TMEM114: variants seen among roughly 807,000 people sequenced by gnomAD.
The protein encoded by TMEM114 is claudin-26.
A neutral mutation model predicts 6.2 loss-of-function variants in TMEM114; 6 were observed. That is an observed-to-expected ratio of 0.97 (90% CI 0.53 to 1.91). The LOEUF (loss-of-function observed/expected upper bound fraction) is 1.91, where lower values mean the gene tolerates loss of function less well. Among genes scored for constraint, TMEM114 ranks in the 40% most tolerant of loss-of-function variants. TMEM114 has a pLI of 0.01. For missense variants in TMEM114, 218 were observed against 158.3 expected, an observed-to-expected ratio of 1.38 and a Z score of -2.02; for synonymous variants, 104 against 73.0, an observed-to-expected ratio of 1.42 and a Z score of -2.16.
chr16:8,553,806 C>G (rs1456041360), intron 2 of TMEM114, among the ~76,000 whole-genome samples: 1 of 152,004 alleles, frequency 6.6e-6, no homozygotes, highest in Admixed American at 6.5e-5. Context: ...AGTTCATTAT[C>G]TTCCCACCTC....
intron 2 of TMEM114, among the ~76,000 whole-genome samples, chr16:8,584,508 A>C (rs1902253061): frequency 6.6e-6 from 1 of 152,222 alleles, no homozygotes; most frequent in Non-Finnish European, 1.5e-5. Context: ...TCTGTGGCTG[A>C]AAGAGTGGAG....
At chr16:8,553,526 C>A (rs932852365) in intron 2 of TMEM114, among the ~76,000 whole-genome samples, 1 of 152,116 alleles carries the variant, frequency 6.6e-6, no homozygotes, top group South Asian at 2.1e-4. Flanking sequence ...CGCTGTGTCA[C>A]CCAGGCTGGA....
intron 2 of TMEM114, among the ~76,000 whole-genome samples, chr16:8,545,375 G>A (rs1432508010): frequency 6.6e-6 from 1 of 151,852 alleles, no homozygotes; most frequent in Non-Finnish European, 1.5e-5. Flanking sequence ...GGTTGAGGTT[G>A]CAGTGAGCTG....
chr16:8,540,968 A>G (rs1442349550), intron 2 of TMEM114, among the ~76,000 whole-genome samples: 1 of 152,206 alleles, frequency 6.6e-6, no homozygotes, highest in African/African-American at 2.4e-5. Context: ...TGGCAAAGAC[A>G]TACGCATGGA....
chr16:8,530,792 G>C, the TMEM114 span, among the ~76,000 whole-genome samples: 1 of 152,156 alleles, frequency 6.6e-6, no homozygotes. Context: ...GGGAGGCCGA[G>C]TCAGATGAAT....
At chr16:8,581,060 T>G (rs910342117) in intron 2 of TMEM114, among the ~76,000 whole-genome samples, 1 of 152,182 alleles carries the variant, frequency 6.6e-6, no homozygotes, top group Non-Finnish European at 1.5e-5. Flanking sequence ...CAATCATAAT[T>G]GGCAGTATAT....
At chr16:8,558,309 T>C (rs1399953631) in intron 2 of TMEM114, among the ~76,000 whole-genome samples, 2 of 152,188 alleles carry the variant, frequency 1.3e-5, no homozygotes, top group East Asian at 3.8e-4. Flanking sequence ...ATGCACCCTC[T>C]GAGGACTCCA....
downstream of TMEM114, among the ~76,000 whole-genome samples, chr16:8,565,191 A>G (rs1392209773): frequency 6.6e-6 from 1 of 152,126 alleles, no homozygotes; most frequent in African/African-American, 2.4e-5. Flanking sequence ...GAATTGATTA[A>G]TGGGAAAATG....
At chr16:8,538,199 G>A (rs1168192021) in intron 2 of TMEM114, among the ~76,000 whole-genome samples, 1 of 150,146 alleles carries the variant, frequency 6.7e-6, no homozygotes, top group Admixed American at 6.7e-5. Flanking sequence ...CAGCTACTCA[G>A]GAGGCTGAAG....
intron 2 of TMEM114, among the ~76,000 whole-genome samples, chr16:8,547,847 C>G (rs1376365308): frequency 6.6e-6 from 1 of 152,122 alleles, no homozygotes; most frequent in Non-Finnish European, 1.5e-5. Flanking sequence ...TACCAACAGG[C>G]AAGTTCACAG....
the TMEM114 span, among the ~76,000 whole-genome samples, chr16:8,530,463 T>C: frequency 6.6e-6 from 1 of 151,914 alleles, no homozygotes; most frequent in African/African-American, 2.4e-5. Flanking sequence ...AGGACTAGAC[T>C]GGGAAGCATA....
At chr16:8,588,487 G>C (rs995272367) in intron 2 of TMEM114, among the ~76,000 whole-genome samples, 7 of 152,136 alleles carry the variant, frequency 4.6e-5, no homozygotes, top group African/African-American at 1.7e-4. Context: ...CTCCACGTCT[G>C]GCTTATCTCA....
chr16:8,542,356 A>T (rs11860940), intron 2 of TMEM114, among the ~76,000 whole-genome samples: 51,725 of 151,902 alleles, frequency 0.34, 9,127 homozygotes, highest in African/African-American at 0.42. Context: ...AATTCCATCT[A>T]TTTCACATTT....
intron 2 of TMEM114, among the ~76,000 whole-genome samples, chr16:8,551,841 A>C (rs943531204): frequency 2.0e-5 from 3 of 152,206 alleles, no homozygotes; most frequent in Admixed American, 6.5e-5. Context: ...GAGCCACCCA[A>C]ATGTCCTTCA....
intron 2 of TMEM114, among the ~76,000 whole-genome samples, chr16:8,557,721 C>A (rs1901061361): frequency 6.6e-6 from 1 of 152,188 alleles, no homozygotes; most frequent in Non-Finnish European, 1.5e-5. Flanking sequence ...GCCTCAATTT[C>A]CTCATTTTGG....
intron 3 of TMEM114, among the ~76,000 whole-genome samples, chr16:8,571,347 G>A (rs1418750252): frequency 1.3e-5 from 2 of 152,170 alleles, no homozygotes; most frequent in African/African-American, 4.8e-5. Context: ...TACACAGCAT[G>A]AGGATTTGAT....
intron 2 of TMEM114, among the ~76,000 whole-genome samples, chr16:8,550,961 G>C (rs1489666689): frequency 6.6e-6 from 1 of 152,176 alleles, no homozygotes; most frequent in Non-Finnish European, 1.5e-5. Flanking sequence ...CCTTGTACTT[G>C]ATTTGCAGAA....
intron 2 of TMEM114, among the ~76,000 whole-genome samples, chr16:8,586,578 C>A (rs901344026): frequency 6.6e-6 from 1 of 151,676 alleles, no homozygotes; most frequent in African/African-American, 2.4e-5. Context: ...GGTGCAATCT[C>A]AGCTCACTGC....
downstream of TMEM114, among the ~76,000 whole-genome samples, chr16:8,567,809 C>G (rs1455917775): frequency 6.6e-6 from 1 of 152,200 alleles, no homozygotes; most frequent in African/African-American, 2.4e-5. Context: ...TTCCACAATA[C>G]GACCAGCAGG....
Sources: gnomAD v4.1 joint callset for allele counts (sites outside exome capture counted in the v4.1 genomes callset) on GRCh38, gnomAD v4.1.1 for gene constraint, MANE v1.5 for transcripts, NCBI Gene and HGNC (gene_info 2026-07-23, HGNC 2026-07-21) for gene names.